RIMKLB: variants seen among roughly 807,000 people sequenced by gnomAD.
RIMKLB encodes ribosomal modification protein rimK like family member B, also known as beta-citrylglutamate synthase B.
In RIMKLB, 7 loss-of-function variants were observed where a neutral mutation model predicts 32.0. The observed-to-expected ratio is 0.22, with a 90% CI of 0.12 to 0.41. The LOEUF (loss-of-function observed/expected upper bound fraction) is 0.41. Ranked by LOEUF, RIMKLB falls within the 10% of genes least tolerant of loss-of-function variation. The pLI, the probability that RIMKLB is intolerant of heterozygous loss-of-function variation, is 1.00. For synonymous variants in RIMKLB, 172 were observed against 185.1 expected (o/e 0.93, Z 0.57); for missense variants, 289 against 498.7 (o/e 0.58, Z 4.00).
At chr12:8,699,052 T>C (rs761918311) in intron 1 of RIMKLB, among the ~76,000 whole-genome samples, 1 of 152,334 alleles carries the variant, frequency 6.6e-6, no homozygotes, top group Non-Finnish European at 1.5e-5. Context: ...TTTCACTGTT[T>C]TATCCCATTT....
intron 5 of RIMKLB, among the ~76,000 whole-genome samples, chr12:8,766,204 C>T (rs1434775172): frequency 1.3e-5 from 2 of 152,138 alleles, no homozygotes; most frequent in Non-Finnish European, 2.9e-5. Context: ...AATGCTTATT[C>T]CTTTCCAGGG....
chr12:8,705,861 C>T (rs1319028639), intron 1 of RIMKLB, among the ~76,000 whole-genome samples: 1 of 152,028 alleles, frequency 6.6e-6, no homozygotes, highest in Non-Finnish European at 1.5e-5. Context: ...GTCTATAAGT[C>T]CTGAGTCTTG....
At position 8,711,061 on chromosome 12, in the gene RIMKLB, A is replaced by G. The variant is rs1286092367; in HGVS notation, c.-56-2750A>G. 4.0e-5 allele frequency among the ~76,000 whole-genome samples: 6 copies of G among 151,774 alleles called. No individual in the cohort carries two copies. The Middle Eastern group carries it at 0.01, about 258-fold the overall frequency. On this transcript the variant is annotated intron_variant, in intron 1 of 5. Coordinates refer to ENST00000535829, the MANE Select transcript of RIMKLB (RefSeq NM_001297776.2). ...GGCAACATGGCAAAACCCCATATCT[A>G]CTAAAAAGAGAAAAGTACGAAAATT...
At chr12:8,705,071 G>A (rs920466654) in intron 1 of RIMKLB, among the ~76,000 whole-genome samples, 1 of 151,960 alleles carries the variant, frequency 6.6e-6, no homozygotes, top group Non-Finnish European at 1.5e-5. Context: ...TATATTCCAA[G>A]CAACAGGAAG....
At chr12:8,737,720 CTTT>C (rs1166456911) in intron 2 of RIMKLB, among the ~76,000 whole-genome samples, 1 of 151,920 alleles carries the variant, frequency 6.6e-6, no homozygotes, top group Admixed American at 6.6e-5. Context: ...CTCTCTCTCT[CTTT>C]TTTATTTTGG....
rs1279957028 is a variant in RIMKLB, at chr12:8,775,979, T to G, written c.*2195T>G. 1 of 983,596 alleles carries G rather than the reference T, an allele frequency of 1.0e-6. No individual in the cohort carries two copies. The highest frequency in any genetic ancestry group is 1.2e-6 in the Non-Finnish European group (1 of 828,392). 60.9% of individuals were successfully genotyped at this position (983,596 alleles called of 1,614,324 possible). ...CCATACTGTGGAGGATGCATACTATTTGGTATAGAGAAATAAATGAGGAAG... is the reference window on the plus strand; with the variant it reads ...CCATACTGTGGAGGATGCATACTATGTGGTATAGAGAAATAAATGAGGAAG... On this transcript the variant is annotated 3_prime_UTR_variant, in exon 6 of 6. Coordinates refer to ENST00000535829, the MANE Select transcript of RIMKLB (RefSeq NM_001297776.2).
At chr12:8,709,599 C>T (rs1836887027) in intron 1 of RIMKLB, among the ~76,000 whole-genome samples, 1 of 152,178 alleles carries the variant, frequency 6.6e-6, no homozygotes, top group Non-Finnish European at 1.5e-5. Context: ...TTGGGGAGGC[C>T]CCATCGCTTG....
intron 5 of RIMKLB, among the ~76,000 whole-genome samples, chr12:8,771,578 C>T (rs1950399222): frequency 6.6e-6 from 1 of 152,198 alleles, no homozygotes; most frequent in Non-Finnish European, 1.5e-5. Flanking sequence ...AGTCTAGCTT[C>T]AATTCTACTG....
chr12:8,749,700 T>C (rs758245013), intron 2 of RIMKLB, among the ~76,000 whole-genome samples, 162 bp from the exon 3 acceptor site: 2 of 152,246 alleles, frequency 1.3e-5, no homozygotes, highest in Non-Finnish European at 2.9e-5. Flanking sequence ...CAGAGATTTT[T>C]CTAATTAAAT....
chr12:8,779,060 T>C (rs1390655408), downstream of RIMKLB: 1 of 152,238 alleles, frequency 6.6e-6, no homozygotes. Context: ...TACTTCCAGC[T>C]GCACTCATGC....
downstream of RIMKLB, among the ~76,000 whole-genome samples, chr12:8,781,437 G>T (rs780439947): frequency 7.2e-5 from 11 of 152,142 alleles, no homozygotes; most frequent in African/African-American, 1.7e-4. Flanking sequence ...ATTACTGAGG[G>T]TGGCGTGATC....
upstream of RIMKLB, among the ~76,000 whole-genome samples, chr12:8,695,313 C>G (rs931011024): frequency 4.0e-5 from 6 of 151,416 alleles, no homozygotes; most frequent in Admixed American, 6.6e-5. Flanking sequence ...TATTTTTGAG[C>G]AGGTGTTGCT....
Position 8,698,148 on chromosome 12 carries a change from G to A in RIMKLB, c.-206G>A. The stretch of plus-strand genomic sequence containing the variant: ...CGGCCAGCCTGCGGGAGCCGCAGTC[G>A]GCGGAGGAGAAAGGAGGCGGCTCCC... On this transcript the variant is annotated 5_prime_UTR_variant, in exon 1 of 6. Coordinates refer to ENST00000535829, the MANE Select transcript of RIMKLB (RefSeq NM_001297776.2). The A allele has an allele frequency of 3.4e-6, 1 of 294,388 alleles. No homozygotes were observed. 18.2% of individuals were successfully genotyped at this position (294,388 alleles called of 1,614,324 possible).
At chr12:8,760,807 ATTTG>A (rs1457844892) in intron 5 of RIMKLB, among the ~76,000 whole-genome samples, 3 of 152,066 alleles carry the variant, frequency 2.0e-5, no homozygotes, top group South Asian at 2.1e-4. Flanking sequence ...TTTCTTGTAA[ATTTG>A]TTTGAGTTCT....
chr12:8,743,143 CAGG>C (rs1947729532), intron 2 of RIMKLB: 1 of 151,886 alleles, frequency 6.6e-6, no homozygotes, highest in Non-Finnish European at 1.5e-5. Context: ...CACCTAAACT[CAGG>C]AGTTGGAGAC....
intron 1 of RIMKLB, among the ~76,000 whole-genome samples, chr12:8,704,999 C>CACACACACACACACACACACACAAAAAA (rs35908223): frequency 2.0e-5 from 3 of 151,648 alleles, no homozygotes; most frequent in African/African-American, 7.3e-5. Context: ...CACACACACA[C>CACACACACACACACACACACACAAAAAA]AAAACCCCAA....
At chr12:8,750,217 TAATTATA>T (rs1948499192) in intron 3 of RIMKLB, 125 bp downstream of exon 3, 1 of 543,882 alleles carries the variant, frequency 1.8e-6, no homozygotes, top group Admixed American at 3.1e-5. Flanking sequence ...CTGGACAGGA[TAATTATA>T]AATTATATCT....
At chr12:8,673,559 C>G in the RIMKLB span, among the ~76,000 whole-genome samples, 1 of 151,620 alleles carries the variant, frequency 6.6e-6, no homozygotes, top group Non-Finnish European at 1.5e-5. Flanking sequence ...CCTCAGTTAT[C>G]TTCCATGTAG....
chr12:8,738,712 TG>T (rs1433366321), intron 2 of RIMKLB, among the ~76,000 whole-genome samples: 7 of 152,328 alleles, frequency 4.6e-5, no homozygotes, highest in African/African-American at 1.7e-4. Flanking sequence ...ACAGTGTTCA[TG>T]GGGAATGGGT....
Sources: allele counts gnomAD v4.1 joint callset (sites outside exome capture counted in the v4.1 genomes callset), GRCh38; gene constraint gnomAD v4.1.1; transcripts MANE v1.5; gene names NCBI Gene and HGNC (gene_info 2026-07-23, HGNC 2026-07-21).